SHROOM3: variants seen among roughly 807,000 people sequenced by gnomAD.
SHROOM3 encodes the protein protein Shroom3.
SHROOM3 carries 47 observed loss-of-function variants against 138.6 expected under a neutral mutation model. That is an observed-to-expected ratio of 0.34 (90% CI 0.27 to 0.43). The LOEUF is 0.43. Among genes scored for constraint, SHROOM3 ranks in the 20% least tolerant of loss-of-function variants. The pLI is 1.00. For missense variants in SHROOM3, 2,491 were observed against 2,596.5 expected (o/e 0.96, Z 0.88); for synonymous variants, 1,062 against 1,063.3 (o/e 1.00, Z 0.02).
chr4:76,598,966 G>A (rs371239382), intron 2 of SHROOM3, among the ~76,000 whole-genome samples: 16 of 152,078 alleles, frequency 1.1e-4, no homozygotes, highest in African/African-American at 3.9e-4. Flanking sequence ...AATAATGGGG[G>A]CCTGAATGAC....
intron 1 of SHROOM3, among the ~76,000 whole-genome samples, chr4:76,512,767 G>A (rs11725317): frequency 0.29 from 44,597 of 151,988 alleles, 7,366 homozygotes; most frequent in African/African-American, 0.43. Context: ...GTGCTCCCAC[G>A]GAGGGACAGT....
intron 3 of SHROOM3, among the ~76,000 whole-genome samples, chr4:76,713,241 G>A (rs1020529727): frequency 9.2e-5 from 14 of 152,072 alleles, no homozygotes; most frequent in African/African-American, 3.4e-4. Context: ...TGACTCTTTT[G>A]TATTAACACT....
intron 6 of SHROOM3, among the ~76,000 whole-genome samples, chr4:76,751,410 A>G (rs1218662662): frequency 6.6e-6 from 1 of 152,184 alleles, no homozygotes; most frequent in Non-Finnish European, 1.5e-5. Flanking sequence ...AAAACATAAA[A>G]TGTTCTAATT....
intron 2 of SHROOM3, among the ~76,000 whole-genome samples, chr4:76,611,396 A>T (rs1199035822): frequency 6.6e-6 from 1 of 151,630 alleles, no homozygotes; most frequent in East Asian, 1.9e-4. Context: ...GTTATTTCTT[A>T]TCGGGAATGC....
chr4:76,711,000 G>A (rs988450704), intron 3 of SHROOM3, among the ~76,000 whole-genome samples: 4 of 152,010 alleles, frequency 2.6e-5, no homozygotes, highest in African/African-American at 4.8e-5. Context: ...AACGAGATAC[G>A]GTATTCAAAG....
chr4:76,618,994 C>T lies in SHROOM3; in HGVS notation c.323+63231C>T, dbSNP rs935674173. Among the ~76,000 whole-genome samples the T allele has an allele frequency of 2.6e-5, 4 of 152,092 alleles. No homozygotes were observed. The East Asian group carries it at 7.7e-4, about 29-fold the overall frequency. On this transcript the variant is annotated intron_variant, in intron 2 of 10. Coordinates refer to ENST00000296043, the MANE Select transcript of SHROOM3 (RefSeq NM_020859.4). Reference sequence around the variant, plus strand: ...TCCTGAGTAGCTGGGATAATAGGCACCTGCCACCATGCCCGGCTAATTTTT... The same window carrying T: ...TCCTGAGTAGCTGGGATAATAGGCATCTGCCACCATGCCCGGCTAATTTTT...
chr4:76,474,155 A>G (rs28412520), intron 1 of SHROOM3, among the ~76,000 whole-genome samples: 7,822 of 152,306 alleles, frequency 0.051, 247 homozygotes, highest in African/African-American at 0.083. Context: ...GAGGAACATT[A>G]AAACGTTATG....
At chr4:76,575,751 C>T (rs1345615499) in intron 2 of SHROOM3, 6 of 152,194 alleles carry the variant, frequency 3.9e-5, no homozygotes, top group African/African-American at 1.4e-4. Flanking sequence ...ATAATAAAAA[C>T]TATTAATATA....
At chr4:76,667,330 GT>G (rs927689198) in intron 2 of SHROOM3, among the ~76,000 whole-genome samples, 1 of 151,588 alleles carries the variant, frequency 6.6e-6, no homozygotes, top group South Asian at 2.1e-4. Flanking sequence ...GTTTTGTTTC[GT>G]TTTTTTTAGA....
In SHROOM3 at chr4:76,768,144, C is replaced by A. The variant is rs570758662; in HGVS notation, c.5350-2482C>A. Among the ~76,000 whole-genome samples, 18 of 152,348 alleles carry A rather than the reference C, an allele frequency of 1.2e-4. No individual in the cohort carries two copies. In the South Asian group the frequency reaches 3.5e-3, roughly 30 times the overall value. On this transcript the variant is annotated intron_variant, in intron 9 of 10. Coordinates refer to ENST00000296043, the MANE Select transcript of SHROOM3 (RefSeq NM_020859.4). ...GGGCTGACTTCACATAGATGACATTCTCTCTCATTATCTGTCTGAAAAACA... is the reference window on the plus strand; with the variant it reads ...GGGCTGACTTCACATAGATGACATTATCTCTCATTATCTGTCTGAAAAACA...
At chr4:76,676,679 G>C (rs1032564849) in intron 2 of SHROOM3, among the ~76,000 whole-genome samples, 2 of 152,138 alleles carry the variant, frequency 1.3e-5, no homozygotes, top group African/African-American at 4.8e-5. Context: ...GGGCATGCTT[G>C]TAAAATGGTA....
chr4:76,563,321 C>T lies in SHROOM3; in HGVS notation c.323+7558C>T, dbSNP rs116460016. Among the ~76,000 whole-genome samples, 686 of 152,282 alleles carry T rather than the reference C, an allele frequency of 4.5e-3. 11 individuals are homozygous for T. Among genetic ancestry groups the T allele is most frequent in the African/African-American group, 0.016 (648 of 41,552 alleles). ...AGGTTTTAAAGCTTCTGATTATAACCTTTCTGCTAAGAGGAAATGTGGCTT... is the reference window on the plus strand; with the variant it reads ...AGGTTTTAAAGCTTCTGATTATAACTTTTCTGCTAAGAGGAAATGTGGCTT... On this transcript the variant is annotated intron_variant, in intron 2 of 10. Coordinates refer to ENST00000296043, the MANE Select transcript of SHROOM3 (RefSeq NM_020859.4).
At position 76,699,844 on chromosome 4, in the gene SHROOM3, T is replaced by G. The variant is rs117882410; in HGVS notation, c.324-10312T>G. 5.1e-4 allele frequency among the ~76,000 whole-genome samples: 77 copies of G among 152,256 alleles called. No individual in the cohort carries two copies. In the East Asian group the frequency reaches 0.012, roughly 24 times the overall value. ...GTTCTATGTGACCCCAGCTTTACCC[T>G]TTGATGAGACTCCCCTGATGCAGGA... On this transcript the variant is annotated intron_variant, in intron 2 of 10. Coordinates refer to ENST00000296043, the MANE Select transcript of SHROOM3 (RefSeq NM_020859.4).
chr4:76,552,037 A>AC (rs1733370675), intron 1 of SHROOM3, among the ~76,000 whole-genome samples: 1 of 144,180 alleles, frequency 6.9e-6, no homozygotes, highest in Admixed American at 6.8e-5. Context: ...AATTTTTTGT[A>AC]TCTTTAGTAG....
At chr4:76,776,784 G>A (rs1298987699) in intron 10 of SHROOM3, among the ~76,000 whole-genome samples, 1 of 152,120 alleles carries the variant, frequency 6.6e-6, no homozygotes, top group Non-Finnish European at 1.5e-5. Flanking sequence ...TGTAAGGTGA[G>A]AGATGAGGAT....
intron 4 of SHROOM3, among the ~76,000 whole-genome samples, chr4:76,735,859 AAAAAAAAAAATATATATATATATATAT>A (rs1274596621): frequency 1.5e-3 from 39 of 25,460 alleles, no homozygotes; most frequent in Non-Finnish European, 2.0e-3. Context: ...AAAAAAAAAA[AAAAAAAAAAATATATATATATATATAT>A]ATATATATAT....
intron 2 of SHROOM3, among the ~76,000 whole-genome samples, chr4:76,649,430 G>T (rs142380492): frequency 6.6e-6 from 1 of 152,128 alleles, no homozygotes; most frequent in Non-Finnish European, 1.5e-5. Flanking sequence ...AAAGCAAAAT[G>T]ATTTTTAATG....
chr4:76,737,678 T>C (rs1432219698), intron 4 of SHROOM3, among the ~76,000 whole-genome samples: 8 of 152,140 alleles, frequency 5.3e-5, no homozygotes, highest in Non-Finnish European at 1.0e-4. Context: ...TTTTTGCCTA[T>C]GACAGAGCCC....
chr4:76,768,189 T>C (rs1366682003), intron 9 of SHROOM3, among the ~76,000 whole-genome samples: 1 of 152,228 alleles, frequency 6.6e-6, no homozygotes, highest in Non-Finnish European at 1.5e-5. Context: ...ACATTTGACT[T>C]GTCTTAACCC....
Sources: allele counts gnomAD v4.1 joint callset (sites outside exome capture counted in the v4.1 genomes callset), GRCh38; gene constraint gnomAD v4.1.1; transcripts MANE v1.5; gene names NCBI Gene and HGNC (gene_info 2026-07-23, HGNC 2026-07-21).